Variants in ATAD3B observed in about 807,000 individuals in gnomAD.
ATAD3B encodes the protein ATPase family AAA domain containing 3B, also known as ATPase family AAA domain-containing protein 3B.
A neutral mutation model predicts 70.2 loss-of-function variants in ATAD3B; 59 were observed. That is an observed-to-expected ratio of 0.84 (90% CI 0.68 to 1.04). ATAD3B has a LOEUF of 1.04. Ranked by LOEUF, ATAD3B falls within the 50% of genes least tolerant of loss-of-function variation. The pLI, the probability that ATAD3B is intolerant of heterozygous loss-of-function variation, is 0.00. For synonymous variants in ATAD3B, 423 were observed against 388.6 expected (o/e 1.09, Z -1.04); for missense variants, 961 against 913.4 (o/e 1.05, Z -0.67).
At chr1:1,498,196 G>A (rs1331814324), downstream of ATAD3B, among the ~76,000 whole-genome samples, 4 of 151,992 alleles carry the variant, frequency 2.6e-5, no homozygotes, top group South Asian at 2.1e-4. Context: ...CCAGCTACTC[G>A]GGAGGCCGAG....
the ATAD3B span, among the ~76,000 whole-genome samples, chr1:1,508,235 T>C: frequency 1.8e-3 from 270 of 151,538 alleles, 4 homozygotes; most frequent in Middle Eastern, 6.8e-3. Context: ...CCTGGGCCCC[T>C]GACCCACAGT....
rs1204516147 is a variant in ATAD3B at position 1,497,324 on chromosome 1, C to T, written c.*1507C>T. The stretch of plus-strand genomic sequence containing the variant: ...TCCCAGGCTCAAGTGATCCTCCTGC[C>T]TCAGCCTGTCCAGTAGCCATACCCT... On this transcript the variant is annotated 3_prime_UTR_variant, in exon 16 of 16. Coordinates refer to ENST00000673477, the MANE Select transcript of ATAD3B (RefSeq NM_031921.6). 6.8e-6 allele frequency: 1 copy of T among 147,820 alleles called. No individual in the cohort carries two copies. The highest frequency in any genetic ancestry group is 1.5e-5 in the Non-Finnish European group (1 of 67,304). The allele number at this position is 147,820 out of a possible 1,614,324, so 9.2% of individuals were successfully genotyped here.
chr1:1,500,778 C>G (rs796914068), downstream of ATAD3B, among the ~76,000 whole-genome samples: 17 of 151,022 alleles, frequency 1.1e-4, no homozygotes, highest in African/African-American at 4.1e-4. Context: ...AGGGTGAAAC[C>G]CCGTCTCTAC....
chr1:1,476,828 A>G (rs1480098216), intron 1 of ATAD3B, among the ~76,000 whole-genome samples: 3 of 150,014 alleles, frequency 2.0e-5, no homozygotes, highest in Admixed American at 1.3e-4. Context: ...TTTTTTAGAG[A>G]CGGAGTTGCG....
At position 1,482,248 on chromosome 1, in the gene ATAD3B, G is replaced by T; in HGVS notation, c.625G>T (p.Glu209Ter). ...GCGGGAGAATGCAGACATCATCCGCGAGCAGATCCGCCTGAAGGCGTCCGA... is the reference window on the plus strand; with the variant it reads ...GCGGGAGAATGCAGACATCATCCGCTAGCAGATCCGCCTGAAGGCGTCCGA... ...AERENADIIR[E>*]QIRLKASEHR... is the part of the protein sequence containing the mutation. The change falls in exon 6 of 16, where the codon GAG becomes TAG. Residue 209 changes from glutamate (E) to a stop codon, truncating the protein, a stop_gained. Transcript: ENST00000673477. LOFTEE classifies it high-confidence loss of function. 1 of 1,611,522 alleles carries T rather than the reference G, an allele frequency of 6.2e-7. No homozygotes were observed. The highest frequency in any genetic ancestry group is 8.5e-7 in the Non-Finnish European group (1 of 1,179,350).
intron 1 of ATAD3B, among the ~76,000 whole-genome samples, chr1:1,474,243 T>G (rs1480865772): frequency 6.6e-6 from 1 of 151,312 alleles, no homozygotes; most frequent in African/African-American, 2.4e-5. Flanking sequence ...CAGGCTGGAG[T>G]GCAGTGGCGT....
At chr1:1,486,764 T>C in intron 11 of ATAD3B, 96 bp downstream of exon 11, 1 of 1,484,130 alleles carries the variant, frequency 6.7e-7, no homozygotes, top group Non-Finnish European at 9.0e-7. Flanking sequence ...GGACCCTGTC[T>C]TTCTGCAGCT....
intron 12 of ATAD3B, among the ~76,000 whole-genome samples, chr1:1,488,443 G>C (rs913681973): frequency 3.3e-5 from 5 of 152,006 alleles, no homozygotes; most frequent in African/African-American, 1.2e-4. Context: ...TCCAGGCAGG[G>C]CTCAAACTTC....
In ATAD3B at chr1:1,494,369, T is replaced by C. The variant is rs139474243; in HGVS notation, c.1615-1116T>C. Among the ~76,000 whole-genome samples the C allele has an allele frequency of 9.9e-3, 1,498 of 151,976 alleles. 38 individuals are homozygous for C. Among genetic ancestry groups the C allele is most frequent in the African/African-American group, 0.035 (1,451 of 41,486 alleles). On this transcript the variant is annotated intron_variant, in intron 15 of 15. Coordinates refer to ENST00000673477, the MANE Select transcript of ATAD3B (RefSeq NM_031921.6). ...GGTCCCTGCACCTGTTTGCCCTCTC[T>C]TGGGTGGGCTCAAGACCAAAAATGA...
In ATAD3B at chr1:1,496,501, G is replaced by C. The variant is rs1268678797; in HGVS notation, c.*684G>C. 6.6e-6 allele frequency: 1 copy of C among 152,470 alleles called. No individual in the cohort carries two copies. Among genetic ancestry groups the C allele is most frequent in the Non-Finnish European group, 1.5e-5 (1 of 68,510 alleles). 9.4% of individuals were successfully genotyped at this position (152,470 alleles called of 1,614,324 possible). A position where few individuals can be genotyped will look rare whatever the true frequency, so the allele number is the denominator to read the frequency against. ...TGACTTCATGACCACACTGCGCCCA[G>C]GTGTAAGAGGGCACGCTTCTGCCCA... is the stretch of plus-strand genomic sequence containing the variant. On this transcript the variant is annotated 3_prime_UTR_variant, in exon 16 of 16. Transcript: ENST00000673477.
intron 9 of ATAD3B, 136 bp downstream of exon 9, chr1:1,485,974 G>C: frequency 6.3e-7 from 1 of 1,589,650 alleles, no homozygotes; most frequent in Non-Finnish European, 8.6e-7. Context: ...GGACTGTGCC[G>C]GGGATAGATA....
Position 1,475,589 on chromosome 1 carries a change from C to A in ATAD3B, c.206-1685C>A, listed in dbSNP as rs893546293. Among the ~76,000 whole-genome samples the A allele has an allele frequency of 5.9e-5, 9 of 151,962 alleles. 1 individual carries two copies. Among genetic ancestry groups the A allele is most frequent in the African/African-American group, 1.2e-4 (5 of 41,410 alleles). On this transcript the variant is annotated intron_variant, in intron 1 of 15. Transcript: ENST00000673477. ...CCTCGTTCCCAGAGTCTGCCCTGAC[C>A]CCTCCTCCGGCCTGTCCTTGGAAGT...
the ATAD3B span, chr1:1,509,201 C>T: frequency 2.5e-6 from 4 of 1,612,662 alleles, no homozygotes; most frequent in East Asian, 2.2e-5. Context: ...TCTCTCCCCA[C>T]TAGGCCACGG....
chr1:1,508,500 G>A, the ATAD3B span, among the ~76,000 whole-genome samples: 7 of 151,516 alleles, frequency 4.6e-5, no homozygotes, highest in South Asian at 6.2e-4. Flanking sequence ...TCCTCCAGGC[G>A]TCCTGGTGCC....
chr1:1,498,483 TAAAAC>T (rs1036145908), downstream of ATAD3B, among the ~76,000 whole-genome samples: 5 of 149,334 alleles, frequency 3.3e-5, no homozygotes, highest in East Asian at 2.0e-4. Context: ...AAAATAAAAA[TAAAAC>T]CAAACCCTTG....
At chr1:1,489,946 C>T (rs948917872) in intron 13 of ATAD3B, 15 of 1,250,520 alleles carry the variant, frequency 1.2e-5, no homozygotes, top group Middle Eastern at 3.4e-4. Flanking sequence ...CCCAGCACAG[C>T]GGGGCTCAGG....
intron 8 of ATAD3B, among the ~76,000 whole-genome samples, chr1:1,485,391 G>A (rs1640150420): frequency 6.6e-6 from 1 of 152,036 alleles, no homozygotes; most frequent in Non-Finnish European, 1.5e-5. Context: ...CTTGCTCAGG[G>A]CTCTTGATGG....
rs989491311 is a variant in ATAD3B, at chr1:1,477,197, G to C, written c.206-77G>C. On this transcript the variant is annotated intron_variant, in intron 1 of 15. Coordinates refer to ENST00000673477, the MANE Select transcript of ATAD3B (RefSeq NM_031921.6). ...CTAGGTTTTTGTATTTTTAGTAGAG[G>C]TTGGGTTTCACCATGTTGGCCAGGC... is the stretch of plus-strand genomic sequence containing the variant. 91 of 1,562,448 alleles carry C rather than the reference G, an allele frequency of 5.8e-5. No individual in the cohort carries two copies. In the Admixed American group the frequency reaches 1.6e-3, roughly 28 times the overall value.
In ATAD3B at chr1:1,482,222, A is replaced by T; in HGVS notation, c.599A>T (p.Glu200Val). Residue 200 changes from glutamate (E) to valine (V), a missense_variant, in exon 6 of 16, where the codon GAG becomes GTG. Physicochemically the swap from Glu to Val is moderately radical, Grantham distance 121. This residue lies in a region of ATAD3B where 349 missense variants were observed against 307.5 expected (regional missense o/e 1.14). Transcript: ENST00000673477. ...ETEARARAKA[E>V]RENADIIREQ... ...GAGGCCCGGGCGCGCGCCAAGGCCGAGCGGGAGAATGCAGACATCATCCGC... is the reference window on the plus strand; with the variant it reads ...GAGGCCCGGGCGCGCGCCAAGGCCGTGCGGGAGAATGCAGACATCATCCGC... 7 of 1,611,262 alleles carry T rather than the reference A, an allele frequency of 4.3e-6. No individual in the cohort carries two copies. In the South Asian group the frequency reaches 7.7e-5, roughly 18 times the overall value.
Sources: gnomAD v4.1 joint callset for allele counts (sites outside exome capture counted in the v4.1 genomes callset) on GRCh38, gnomAD v4.1.1 for gene constraint, gnomAD v4.1.1 regional missense constraint, MANE v1.5 for transcripts, NCBI Gene and HGNC (gene_info 2026-07-23, HGNC 2026-07-21) for gene names.